Variants in RFC5 observed in about 807,000 individuals in gnomAD.
The protein encoded by RFC5 is A1 36 kDa subunit.
A neutral mutation model predicts 44.3 loss-of-function variants in RFC5; 26 were observed. The ratio of observed to expected loss-of-function variants is 0.59; its 90% CI spans 0.43 to 0.81. The LOEUF is 0.81. Among genes scored for constraint, RFC5 ranks in the 40% least tolerant of loss-of-function variants. The pLI is 0.00. For synonymous variants in RFC5, 155 were observed against 155.2 expected, an observed-to-expected ratio of 1.00 and a Z score of 0.01; for missense variants, 328 against 418.6, an observed-to-expected ratio of 0.78 and a Z score of 1.89.
chr12:118,030,752 C>T (rs1317575055), intron 10 of RFC5, among the ~76,000 whole-genome samples: 3 of 152,152 alleles, frequency 2.0e-5, no homozygotes, highest in East Asian at 1.9e-4. Flanking sequence ...GATTCACCTG[C>T]CTCAGCCTCC....
rs772526683 is a variant in RFC5, at chr12:118,031,200, C to T, written c.945C>T (p.Gly315=). ...MADIEYRLSV[G]TNEKIQLSSL... is the part of the protein sequence containing the mutation. ...CTGTTAGGTACAGGCTTTCTGTTGG[C>T]ACCAACGAGAAGATCCAGCTGAGCT... Residue 315 remains glycine, a synonymous_variant, in exon 11 of 11, where the codon GGC becomes GGT. Transcript: ENST00000454402. 6.2e-7 allele frequency: 1 copy of T among 1,613,560 alleles called. No individual in the cohort carries two copies. Among genetic ancestry groups the T allele is most frequent in the Non-Finnish European group, 8.5e-7 (1 of 1,179,584 alleles).
chr12:118,041,234 A>G, the RFC5 span, among the ~76,000 whole-genome samples: 3 of 152,130 alleles, frequency 2.0e-5, no homozygotes, highest in South Asian at 2.1e-4. Flanking sequence ...TGAGAAGTCA[A>G]TAGGTCATGA....
rs2030317456 is a variant in RFC5, at chr12:118,019,193, TTGG to T, written c.130+60_130+62del. 1 of 1,223,354 alleles carries T rather than the reference TTGG, an allele frequency of 8.2e-7. No homozygotes were observed. Among genetic ancestry groups the T allele is most frequent in the South Asian group, 1.2e-5 (1 of 83,214 alleles). 75.8% of individuals were successfully genotyped at this position (1,223,354 alleles called of 1,614,324 possible). ...TGCTTGAGCGACTTGTATAAATTGC[TTGG>T]TGATGTTGTCTCTCCTAAGTAATAA... On this transcript the variant is annotated intron_variant, in intron 2 of 10. Coordinates refer to ENST00000454402, the MANE Select transcript of RFC5 (RefSeq NM_007370.7). The surrounding 1 kb of genome is among the most constrained non-coding windows in gnomAD (Gnocchi z 4.2).
At position 118,027,963 on chromosome 12, in the gene RFC5, G is replaced by A. The variant is rs2137732375; in HGVS notation, c.804G>A (p.Glu268=). 6.2e-7 allele frequency: 1 copy of A among 1,605,732 alleles called. No homozygotes were observed. Among genetic ancestry groups the A allele is most frequent in the Non-Finnish European group, 8.5e-7 (1 of 1,172,672 alleles). The change falls in exon 9 of 11, where the codon GAG becomes GAA. Residue 268 remains glutamate, a synonymous_variant. Coordinates refer to ENST00000454402, the MANE Select transcript of RFC5 (RefSeq NM_007370.7). ...DFTTAYRNIT[E]LKTLKGLALH... ...TAACTGCTCCTCTAGATATTACAGAGTTGAAAACTCTGAAGGGGTTGGCAC... is the reference window on the plus strand; with the variant it reads ...TAACTGCTCCTCTAGATATTACAGAATTGAAAACTCTGAAGGGGTTGGCAC...
Position 118,031,341 on chromosome 12 carries a change from C to G in RFC5, c.*63C>G. Reference sequence around the variant, plus strand: ...AGTGATGGGAGAACAGAGGACAGTTCCAGGATAAACTGCTGCCTGGGGCTG... The same window carrying G: ...AGTGATGGGAGAACAGAGGACAGTTGCAGGATAAACTGCTGCCTGGGGCTG... On this transcript the variant is annotated 3_prime_UTR_variant, in exon 11 of 11. Coordinates refer to ENST00000454402, the MANE Select transcript of RFC5 (RefSeq NM_007370.7). The G allele has an allele frequency of 1.8e-6, 2 of 1,094,704 alleles. No individual in the cohort carries two copies. Among genetic ancestry groups the G allele is most frequent in the Non-Finnish European group, 2.8e-6 (2 of 726,956 alleles). 67.8% of individuals were successfully genotyped at this position (1,094,704 alleles called of 1,614,324 possible). A position where few individuals can be genotyped will look rare whatever the true frequency, so the allele number is the denominator to read the frequency against.
chr12:118,029,730 TAG>T (rs778062524), intron 9 of RFC5, 39 bp from the exon 10 acceptor site: 3 of 1,363,042 alleles, frequency 2.2e-6, no homozygotes, highest in South Asian at 2.3e-5. Flanking sequence ...TTTTTGACAG[TAG>T]AGAGTGACCT....
chr12:118,018,653 G>A (rs1429837349), intron 1 of RFC5, among the ~76,000 whole-genome samples: 1 of 151,876 alleles, frequency 6.6e-6, no homozygotes, highest in Non-Finnish European at 1.5e-5. Context: ...CCAGGCTGGA[G>A]TGCTGGAGTG....
rs1406217007 is a variant in RFC5, at chr12:118,024,904, T to A, written c.475T>A (p.Ser159Thr). 1 of 1,613,902 alleles carries A rather than the reference T, an allele frequency of 6.2e-7. No individual in the cohort carries two copies. Among genetic ancestry groups the A allele is most frequent in the African/African-American group, 1.3e-5 (1 of 74,912 alleles). The change falls in exon 6 of 11, where the codon TCA becomes ACA. Residue 159 changes from serine to threonine, a missense_variant. Transcript: ENST00000454402. ...TRFCLICNYLSKIIPALQSRC... is the reference protein window; with the variant it reads ...TRFCLICNYLTKIIPALQSRC... ...ATTCTGCCTCATCTGTAACTATCTGTCAAAGATCATCCCTGCCTTGCAGTC... is the reference window on the plus strand; with the variant it reads ...ATTCTGCCTCATCTGTAACTATCTGACAAAGATCATCCCTGCCTTGCAGTC...
intron 8 of RFC5, chr12:118,027,236 G>A: frequency 1.9e-6 from 1 of 526,952 alleles, no homozygotes; most frequent in Non-Finnish European, 3.4e-6. Flanking sequence ...GTCAGGGTAA[G>A]GCTTGAAGCA....
chr12:118,022,996 G>A (rs1317132060), intron 5 of RFC5, among the ~76,000 whole-genome samples: 1 of 152,172 alleles, frequency 6.6e-6, no homozygotes, highest in Non-Finnish European at 1.5e-5. Flanking sequence ...TTTGACACTG[G>A]GTTCAATTTC....
intron 5 of RFC5, 182 bp from the exon 6 acceptor site, chr12:118,024,669 C>T (rs924474232): frequency 1.1e-5 from 6 of 528,270 alleles, no homozygotes; most frequent in African/African-American, 2.0e-5. Flanking sequence ...CCTCAGCCTC[C>T]CAAAGTGCTG....
At chr12:118,023,420 G>A (rs1427963529) in intron 5 of RFC5, among the ~76,000 whole-genome samples, 5 of 38,388 alleles carry the variant, frequency 1.3e-4, no homozygotes, top group Non-Finnish European at 1.8e-4. Context: ...GAGGGGGGAG[G>A]AGGGGAGGAA....
At chr12:118,038,366 C>T in the RFC5 span, 13 of 1,613,914 alleles carry the variant, frequency 8.1e-6, no homozygotes, top group Admixed American at 8.3e-5. Context: ...GCAGGTGGCC[C>T]GATAACACTT....
At chr12:118,034,075 A>T, downstream of RFC5, 1 of 1,364,188 alleles carries the variant, frequency 7.3e-7, no homozygotes, top group Non-Finnish European at 1.0e-6. Context: ...GCTACATTCT[A>T]TTCACAATCC....
At chr12:118,020,077 C>T (rs979685230) in intron 3 of RFC5, among the ~76,000 whole-genome samples, 9 of 152,308 alleles carry the variant, frequency 5.9e-5, no homozygotes, top group East Asian at 1.9e-4. Flanking sequence ...CAATTCTCCA[C>T]GTTTCTCCAC....
chr12:118,016,996 C>A (rs1209342724), intron 1 of RFC5, 104 bp downstream of exon 1: 2 of 886,218 alleles, frequency 2.3e-6, no homozygotes, highest in Non-Finnish European at 1.8e-6. Context: ...CCGACCTCTT[C>A]CCGTCGTCTC....
chr12:118,038,502 T>G, the RFC5 span: 1 of 899,688 alleles, frequency 1.1e-6, no homozygotes, highest in Non-Finnish European at 1.7e-6. Context: ...TCAGCTCCTA[T>G]CAGCTGGGCC....
chr12:118,036,283 C>T, downstream of RFC5: 1 of 1,569,374 alleles, frequency 6.4e-7, no homozygotes, highest in Non-Finnish European at 8.7e-7. Context: ...TAATCCCAGG[C>T]AGGTTCCTCA....
chr12:118,021,823 G>A (rs962471690), intron 4 of RFC5, among the ~76,000 whole-genome samples: 1 of 152,060 alleles, frequency 6.6e-6, no homozygotes, highest in Non-Finnish European at 1.5e-5. Flanking sequence ...TGGGCATGGT[G>A]GTGGGCGCCT....
Sources: allele counts gnomAD v4.1 joint callset (sites outside exome capture counted in the v4.1 genomes callset), GRCh38; gene constraint gnomAD v4.1.1; non-coding constraint Gnocchi (gnomAD v3.1); transcripts MANE v1.5; gene names NCBI Gene and HGNC (gene_info 2026-07-23, HGNC 2026-07-21).